MARCHF8: variants seen among roughly 807,000 people sequenced by gnomAD.
MARCHF8 encodes E3 ubiquitin-protein ligase MARCHF8.
MARCHF8 carries 40 observed loss-of-function variants against 51.6 expected under a neutral mutation model. That is an observed-to-expected ratio of 0.77 (90% CI 0.60 to 1.01). MARCHF8 has a LOEUF of 1.01. MARCHF8 is among the 50% of genes least tolerant of loss of function. The probability of loss-of-function intolerance (pLI) is 0.00; values close to 1 mark genes in which losing one functional copy is unlikely to be tolerated. For missense variants in MARCHF8, 685 were observed against 708.6 expected, an observed-to-expected ratio of 0.97 and a Z score of 0.38; for synonymous variants, 263 against 280.3, an observed-to-expected ratio of 0.94 and a Z score of 0.62.
At chr10:45,530,953 T>C (rs981266011) in intron 2 of MARCHF8, among the ~76,000 whole-genome samples, 1 of 151,764 alleles carries the variant, frequency 6.6e-6, no homozygotes, top group Non-Finnish European at 1.5e-5. Context: ...ATAAAAAAGA[T>C]CCAAAACAAA....
At chr10:45,574,248 AC>A (rs2044464553) in intron 1 of MARCHF8, among the ~76,000 whole-genome samples, 1 of 152,166 alleles carries the variant, frequency 6.6e-6, no homozygotes, top group Admixed American at 6.5e-5. Flanking sequence ...CTCACCTGTT[AC>A]AGCATGGACT....
intron 2 of MARCHF8, among the ~76,000 whole-genome samples, chr10:45,529,192 A>G (rs1421161285): frequency 6.6e-6 from 1 of 152,238 alleles, no homozygotes; most frequent in Non-Finnish European, 1.5e-5. Context: ...AAAGTCAACA[A>G]AAACATACAC....
chr10:45,497,129 A>G (rs1022778817), intron 2 of MARCHF8, among the ~76,000 whole-genome samples: 1 of 152,100 alleles, frequency 6.6e-6, no homozygotes, highest in Admixed American at 6.6e-5. Flanking sequence ...GCAAAAAGAT[A>G]CATAGCACAA....
intron 1 of MARCHF8, among the ~76,000 whole-genome samples, chr10:45,549,489 C>T (rs891887516): frequency 1.3e-5 from 2 of 152,188 alleles, no homozygotes; most frequent in African/African-American, 4.8e-5. Flanking sequence ...AGCAGCATCC[C>T]AAGACAGTTC....
chr10:45,534,110 G>C (rs2043935403), intron 1 of MARCHF8, among the ~76,000 whole-genome samples: 1 of 152,076 alleles, frequency 6.6e-6, no homozygotes, highest in Non-Finnish European at 1.5e-5. Flanking sequence ...ACAAACCCAG[G>C]AGGCGGAGCT....
intron 1 of MARCHF8, among the ~76,000 whole-genome samples, chr10:45,558,990 A>G (rs549427586): frequency 6.6e-6 from 1 of 152,372 alleles, no homozygotes; most frequent in South Asian, 2.1e-4. Context: ...ACCAAGTAAT[A>G]TTCCAAGTAA....
intron 2 of MARCHF8, among the ~76,000 whole-genome samples, chr10:45,520,031 T>G (rs1225315474): frequency 6.6e-6 from 1 of 152,196 alleles, no homozygotes; most frequent in Non-Finnish European, 1.5e-5. Context: ...AACTACGCAC[T>G]CAGCAGCAGT....
chr10:45,459,669 T>C (rs762164031), intron 6 of MARCHF8: 41 of 976,762 alleles, frequency 4.2e-5, no homozygotes, highest in East Asian at 1.1e-4. Flanking sequence ...AAGAAGAGGG[T>C]TGATGATGCC....
At chr10:45,458,587 G>A in intron 7 of MARCHF8, 44 bp from the exon 8 acceptor site, 1 of 1,513,096 alleles carries the variant, frequency 6.6e-7, no homozygotes, top group Non-Finnish European at 8.9e-7. Flanking sequence ...TTTAAGATAT[G>A]AAGTAAAGAA....
chr10:45,517,683 G>T (rs1022328835), intron 2 of MARCHF8, among the ~76,000 whole-genome samples: 1 of 152,272 alleles, frequency 6.6e-6, no homozygotes, highest in South Asian at 2.1e-4. Context: ...TCAGTCTCAG[G>T]TATTTCTTTA....
At chr10:45,504,445 G>A (rs755947824) in intron 2 of MARCHF8, among the ~76,000 whole-genome samples, 7 of 152,112 alleles carry the variant, frequency 4.6e-5, no homozygotes, top group Non-Finnish European at 1.5e-5. Flanking sequence ...ACTCCGTCTC[G>A]AAAAAAACTA....
intron 3 of MARCHF8, among the ~76,000 whole-genome samples, chr10:45,469,572 A>G (rs991436538): frequency 6.6e-5 from 10 of 152,138 alleles, no homozygotes; most frequent in Non-Finnish European, 1.3e-4. Context: ...TTTCAATATA[A>G]AAGCTACTTC....
intron 1 of MARCHF8, among the ~76,000 whole-genome samples, chr10:45,580,079 CTG>C (rs1204618946): frequency 7.1e-6 from 1 of 141,178 alleles, no homozygotes; most frequent in Admixed American, 7.1e-5. Context: ...ATAATCTAAA[CTG>C]TGGACTAAAA....
chr10:45,489,861 C>G (rs2043051314), intron 2 of MARCHF8, among the ~76,000 whole-genome samples: 1 of 152,116 alleles, frequency 6.6e-6, no homozygotes, highest in Non-Finnish European at 1.5e-5. Context: ...AGTAGGACAG[C>G]TGACCAGTCC....
chr10:45,463,708 T>C lies in MARCHF8; in HGVS notation c.531A>G (p.Arg177=), dbSNP rs1842872790. The change falls in exon 5 of 8, where the codon AGA becomes AGG. Residue 177 remains arginine (R), a synonymous_variant. Transcript: ENST00000453424. ...GTATTAATTTCCCTTCAGAACAAGT[T>C]CTTTCCACATAGGCAAAACTTTCTG... ...DTSESFAYVE[R]TCSEGKLILP... 1 of 1,550,954 alleles carries C rather than the reference T, an allele frequency of 6.4e-7. No individual in the cohort carries two copies. The highest frequency in any genetic ancestry group is 1.4e-5 in the African/African-American group (1 of 73,048).
rs939666724 is a variant in MARCHF8, at chr10:45,535,351, C to T, written c.-219G>A. 12 of 152,236 alleles carry T rather than the reference C, an allele frequency of 7.9e-5. No homozygotes were observed. The highest frequency in any genetic ancestry group is 1.5e-4 in the Non-Finnish European group (10 of 68,054). 9.4% of individuals were successfully genotyped at this position (152,236 alleles called of 1,614,324 possible). On this transcript the variant is annotated 5_prime_UTR_variant, in exon 1 of 8. The change creates a premature stop within an existing upstream ORF in the 5' untranslated region. Coordinates refer to ENST00000453424, the MANE Select transcript of MARCHF8 (RefSeq NM_001282866.2). The stretch of plus-strand genomic sequence containing the variant: ...GAATACTTGGTCAAACTGACGATAT[C>T]CACAGCCCTATACCTACCATGCCAA...
intron 1 of MARCHF8, among the ~76,000 whole-genome samples, chr10:45,587,605 C>A (rs1422436300): frequency 1.3e-5 from 2 of 152,036 alleles, no homozygotes; most frequent in East Asian, 3.9e-4. Flanking sequence ...TTTGAAAACA[C>A]AAAGGACCTA....
chr10:45,532,509 G>A (rs374740111), intron 2 of MARCHF8, among the ~76,000 whole-genome samples: 1 of 152,190 alleles, frequency 6.6e-6, no homozygotes. Context: ...CTCTCCATGG[G>A]ATCAGTCCTT....
In MARCHF8 at chr10:45,497,368, T is replaced by A. The variant is rs568648974; in HGVS notation, c.103-7951A>T. 3.9e-5 allele frequency among the ~76,000 whole-genome samples: 6 copies of A among 152,294 alleles called. No homozygotes were observed. The South Asian group carries it at 1.2e-3, about 32-fold the overall frequency. Reference sequence around the variant, plus strand: ...ATAATACTTGCAGACTTCAAAATCCTGCTTTCAACAATGAACAGCCGAGCT... The same window carrying A: ...ATAATACTTGCAGACTTCAAAATCCAGCTTTCAACAATGAACAGCCGAGCT... On this transcript the variant is annotated intron_variant, in intron 2 of 7. Transcript: ENST00000453424.
Sources: gnomAD v4.1 joint callset for allele counts (sites outside exome capture counted in the v4.1 genomes callset) on GRCh38, gnomAD v4.1.1 for gene constraint, MANE v1.5 for transcripts, NCBI Gene and HGNC (gene_info 2026-07-23, HGNC 2026-07-21) for gene names.